Variants in ZNF236 observed in about 807,000 individuals in gnomAD.
ZNF236 encodes the protein zinc finger protein 236.
A neutral mutation model predicts 191.2 loss-of-function variants in ZNF236; 50 were observed. The observed-to-expected ratio is 0.26, with a 90% CI of 0.21 to 0.33. ZNF236 has a LOEUF of 0.33. Among genes scored for constraint, ZNF236 ranks in the 10% least tolerant of loss-of-function variants. The pLI is 1.00. For missense variants in ZNF236, 1,754 were observed against 2,374.5 expected, an observed-to-expected ratio of 0.74 and a Z score of 5.43; for synonymous variants, 907 against 928.8, an observed-to-expected ratio of 0.98 and a Z score of 0.43.
intron 1 of ZNF236, among the ~76,000 whole-genome samples, chr18:76,829,282 G>A (rs1032903799): frequency 1.3e-5 from 2 of 151,554 alleles, no homozygotes; most frequent in Admixed American, 6.6e-5. Context: ...GGCCTGGAGC[G>A]TGGCTCTCAC....
chr18:76,890,873 C>T (rs1374731703), intron 9 of ZNF236, among the ~76,000 whole-genome samples: 1 of 152,100 alleles, frequency 6.6e-6, no homozygotes, highest in Non-Finnish European at 1.5e-5. Flanking sequence ...CTGCCTCTGC[C>T]ACCCCAAGAG....
intron 1 of ZNF236, among the ~76,000 whole-genome samples, chr18:76,840,543 G>C (rs1037986246): frequency 1.3e-5 from 2 of 150,298 alleles, no homozygotes; most frequent in Non-Finnish European, 3.0e-5. Flanking sequence ...AGCATGAAAA[G>C]AAAGAGTTTA....
rs775174328 is a variant in ZNF236, at chr18:76,880,234, C to T, written c.1106C>T (p.Pro369Leu). 2.1e-5 allele frequency: 34 copies of T among 1,613,992 alleles called. No individual in the cohort carries two copies. The highest frequency in any genetic ancestry group is 7.7e-5 in the South Asian group (7 of 91,080). ...VIQQLLELSE[P>L]APVESGQSPQ... ...CAGCAGCTCCTGGAGCTCTCAGAGC[C>T]GGCGCCGGTGGAGTCGGGGCAGTCC... The change falls in exon 8 of 31, where the codon CCG (proline) becomes CTG (leucine). Residue 369 changes from proline (P) to leucine (L), a missense_variant. Pro to Leu is a moderately conservative substitution (Grantham distance 98). Around this residue, in one of 5 missense-constraint regions of ZNF236, gnomAD observed 336 missense variants for 495.1 expected, o/e 0.68. Transcript: ENST00000320610. This position sits in a 1 kb window ranked among gnomAD's most constrained non-coding sequence, Gnocchi z 5.0.
intron 25 of ZNF236, among the ~76,000 whole-genome samples, chr18:76,931,597 C>A (rs1271669060): frequency 6.6e-6 from 1 of 152,188 alleles, no homozygotes; most frequent in East Asian, 1.9e-4. Flanking sequence ...TTCTGCCCTC[C>A]AGTGAGAATT....
Position 76,960,876 on chromosome 18 carries a change from A to C in ZNF236, c.5419+21A>C. ...TGCTGGTGAGAATGCTGCACCCGGG[A>C]GTGCGTGCTGTTCGGTGGCCTGCGA... On this transcript the variant is annotated intron_variant, in intron 30 of 30. Coordinates refer to ENST00000320610, the MANE Select transcript of ZNF236 (RefSeq NM_001306089.2). The surrounding 1 kb of genome is among the most constrained non-coding windows in gnomAD (Gnocchi z 4.4). 2 of 1,600,122 alleles carry C rather than the reference A, an allele frequency of 1.2e-6. No homozygotes were observed. Among genetic ancestry groups the C allele is most frequent in the Non-Finnish European group, 1.7e-6 (2 of 1,170,976 alleles).
intron 1 of ZNF236, among the ~76,000 whole-genome samples, chr18:76,835,607 C>A (rs924288931): frequency 6.6e-5 from 10 of 152,200 alleles, no homozygotes; most frequent in African/African-American, 2.4e-4. Flanking sequence ...TACACCTGCA[C>A]CATGACTGCT....
In ZNF236 at chr18:76,836,096, C is replaced by T. The variant is rs113959857; in HGVS notation, c.56-13430C>T. ...CTAATTTTTGTATTTTTAGTAGAGA[C>T]GGGGTTTCACCATGTTGGCCAGGCT... On this transcript the variant is annotated intron_variant, in intron 1 of 30. Coordinates refer to ENST00000320610, the MANE Select transcript of ZNF236 (RefSeq NM_001306089.2). 1.1e-4 allele frequency among the ~76,000 whole-genome samples: 17 copies of T among 151,850 alleles called. No homozygotes were observed. In the East Asian group the frequency reaches 2.0e-3, roughly 17 times the overall value.
At chr18:76,965,572 C>T (rs1287984870) in intron 30 of ZNF236, among the ~76,000 whole-genome samples, 2 of 152,302 alleles carry the variant, frequency 1.3e-5, no homozygotes, top group African/African-American at 4.8e-5. Context: ...TTTGGTCCTA[C>T]GGGGTTCTCT....
chr18:76,943,879 G>C (rs1351281855), intron 26 of ZNF236, among the ~76,000 whole-genome samples: 1 of 152,160 alleles, frequency 6.6e-6, no homozygotes, highest in South Asian at 2.1e-4. Context: ...TTTGTTTTAA[G>C]TTTATTAAGA....
rs775622185 is a variant in ZNF236, at chr18:76,880,322, G to A, written c.1188+6G>A. On this transcript the variant is annotated splice_donor_region_variant and intron_variant, in intron 8 of 30. Transcript: ENST00000320610. The surrounding 1 kb of genome is among the most constrained non-coding windows in gnomAD (Gnocchi z 5.0). ...TCAACCAGGACATTTTACAGGTGAA[G>A]CACGCTTCCCTGCGGTGTGAGGCTT... is the stretch of plus-strand genomic sequence containing the variant. 2 of 1,607,748 alleles carry A rather than the reference G, an allele frequency of 1.2e-6. No homozygotes were observed. The highest frequency in any genetic ancestry group is 1.7e-6 in the Non-Finnish European group (2 of 1,175,554).
At chr18:76,888,887 G>T (rs1054167906) in intron 9 of ZNF236, among the ~76,000 whole-genome samples, 3 of 152,226 alleles carry the variant, frequency 2.0e-5, no homozygotes, top group Admixed American at 6.5e-5. Context: ...CCTCCTGACG[G>T]CCCAGCTAAT....
At chr18:76,948,433 A>G (rs1018316083) in intron 27 of ZNF236, among the ~76,000 whole-genome samples, 1 of 152,176 alleles carries the variant, frequency 6.6e-6, no homozygotes, top group Non-Finnish European at 1.5e-5. Flanking sequence ...ACTTTAGCAC[A>G]TTTGTGTCTG....
At chr18:76,904,255 A>C in intron 11 of ZNF236, 125 bp from the exon 12 acceptor site, 42 of 734,904 alleles carry the variant, frequency 5.7e-5, no homozygotes, top group Middle Eastern at 2.8e-4. Context: ...AAAATAACAT[A>C]GTTGCAACAT....
intron 7 of ZNF236, 52 bp downstream of exon 7, chr18:76,878,204 TA>T (rs1976769126): frequency 6.6e-7 from 1 of 1,522,786 alleles, no homozygotes; most frequent in East Asian, 2.3e-5. Flanking sequence ...TCTGTCATTT[TA>T]AATATGACCT....
At chr18:76,876,905 T>C (rs1042106688) in intron 6 of ZNF236, among the ~76,000 whole-genome samples, 3 of 152,228 alleles carry the variant, frequency 2.0e-5, no homozygotes, top group Non-Finnish European at 4.4e-5. Context: ...CTGTTGCCAC[T>C]GAGAAGTGCT....
intron 26 of ZNF236, among the ~76,000 whole-genome samples, chr18:76,943,122 CAAAAAAAAA>C (rs530931580): frequency 1.5e-3 from 131 of 85,856 alleles, no homozygotes; most frequent in African/African-American, 5.9e-3. Context: ...GACTCCGTCT[CAAAAAAAAA>C]AAAAAAAAAA....
intron 26 of ZNF236, among the ~76,000 whole-genome samples, chr18:76,942,836 AATTTGGCTGGGTGC>A (rs1308765589): frequency 6.7e-6 from 1 of 149,316 alleles, no homozygotes; most frequent in Non-Finnish European, 1.5e-5. Context: ...ATAATGGGCA[AATTTGGCTGGGTGC>A]AGTGGCTCAC....
chr18:76,884,924 C>T lies in ZNF236; in HGVS notation c.1417+3412C>T, dbSNP rs568561099. ...TGGGGTCTGCATCCATGAGTGCAAC[C>T]GACCTCATATCAGAAAATCCTCAGT... On this transcript the variant is annotated intron_variant, in intron 9 of 30. Transcript: ENST00000320610. 8 of 152,218 alleles carry T rather than the reference C, an allele frequency of 5.3e-5. No homozygotes were observed. The South Asian group carries it at 8.3e-4, about 16-fold the overall frequency. The allele number at this position is 152,218 out of a possible 1,614,324, so 9.4% of individuals were successfully genotyped here. A position where few individuals can be genotyped will look rare whatever the true frequency, so the allele number is the denominator to read the frequency against.
chr18:76,899,337 T>C, intron 11 of ZNF236, 115 bp downstream of exon 11: 1 of 899,158 alleles, frequency 1.1e-6, no homozygotes, highest in Non-Finnish European at 1.7e-6. Flanking sequence ...TTAGGCATAG[T>C]ATTAATGAAG....
Sources: allele counts gnomAD v4.1 joint callset (sites outside exome capture counted in the v4.1 genomes callset), GRCh38; gene constraint gnomAD v4.1.1; regional missense constraint gnomAD v4.1.1; non-coding constraint Gnocchi (gnomAD v3.1); transcripts MANE v1.5; gene names NCBI Gene and HGNC (gene_info 2026-07-23, HGNC 2026-07-21).